The following WDFY3 variants were observed in gnomAD, a reference collection of about 807,000 sequenced individuals.
WDFY3 encodes WD repeat and FYVE domain-containing protein 3.
A neutral mutation model predicts 409.6 loss-of-function variants in WDFY3; 66 were observed. The ratio of observed to expected loss-of-function variants is 0.16; its 90% CI spans 0.13 to 0.20. The LOEUF (loss-of-function observed/expected upper bound fraction) is 0.20, where lower values mean the gene tolerates loss of function less well. Ranked by LOEUF, WDFY3 falls within the 10% of genes least tolerant of loss-of-function variation. The pLI is 1.00. For missense variants in WDFY3, 3,031 were observed against 4,298.1 expected (o/e 0.71, Z 8.24); for synonymous variants, 1,521 against 1,537.1 (o/e 0.99, Z 0.25).
chr4:84,804,546 T>C (rs1326978729), intron 15 of WDFY3, among the ~76,000 whole-genome samples: 1 of 152,236 alleles, frequency 6.6e-6, no homozygotes, highest in Non-Finnish European at 1.5e-5. Flanking sequence ...GCATGTCCTT[T>C]ACCCATTCAT....
Position 84,774,866 on chromosome 4 carries a change from G to C in WDFY3, c.4708C>G (p.Leu1570Val), listed in dbSNP as rs1421907898. 1 of 1,613,900 alleles carries C rather than the reference G, an allele frequency of 6.2e-7. No homozygotes were observed. The highest frequency in any genetic ancestry group is 1.1e-5 in the South Asian group (1 of 91,066). The change falls in exon 29 of 68, where the codon CTG becomes GTG. Residue 1570 changes from leucine (L) to valine (V), a missense_variant. Around this residue, in one of 16 missense-constraint regions of WDFY3, gnomAD observed 342 missense variants for 463.7 expected, o/e 0.74. Coordinates refer to ENST00000295888, the MANE Select transcript of WDFY3 (RefSeq NM_014991.6). The part of the protein sequence containing the change: ...QPTIAAISNV[L>V]SFLLQGFPSS... The stretch of plus-strand genomic sequence containing the variant: ...GGAAAACCTTGCAGTAAGAAGCTCA[G>C]GACATTACTAATAGCAGCAATAGTA...
chr4:84,750,413 A>G (rs1740311973), intron 36 of WDFY3, among the ~76,000 whole-genome samples: 1 of 152,056 alleles, frequency 6.6e-6, no homozygotes, highest in African/African-American at 2.4e-5. Context: ...TAAGATAAAC[A>G]TGTGGTTTTC....
chr4:84,818,904 T>C (rs1317312294), intron 12 of WDFY3, among the ~76,000 whole-genome samples: 1 of 152,140 alleles, frequency 6.6e-6, no homozygotes, highest in African/African-American at 2.4e-5. Context: ...TCTCTTCCTG[T>C]GCAACTTCTA....
rs1320978239 is a variant in WDFY3, at chr4:84,690,752, C to A, written c.9205-88G>T. 1.2e-5 allele frequency: 18 copies of A among 1,440,166 alleles called. No individual in the cohort carries two copies. The Admixed American group carries it at 2.4e-4, about 19-fold the overall frequency. 89.2% of individuals were successfully genotyped at this position (1,440,166 alleles called of 1,614,324 possible). A position where few individuals can be genotyped will look rare whatever the true frequency, so the allele number is the denominator to read the frequency against. Reference sequence around the variant, plus strand: ...CAAGGAGCAGAATTGAGTGAAGGTGCAGGCACCTCACCAGCAAATAGCGGC... The same window carrying A: ...CAAGGAGCAGAATTGAGTGAAGGTGAAGGCACCTCACCAGCAAATAGCGGC... On this transcript the variant is annotated intron_variant, in intron 60 of 67. Transcript: ENST00000295888.
chr4:84,681,033 T>G (rs1003510093), intron 64 of WDFY3, among the ~76,000 whole-genome samples: 2 of 152,200 alleles, frequency 1.3e-5, no homozygotes, highest in Non-Finnish European at 2.9e-5. Flanking sequence ...CCCAACGGCT[T>G]ATGATCGTGA....
At position 84,860,625 on chromosome 4, in the gene WDFY3, G is replaced by A. The variant is rs1290729685; in HGVS notation, c.-31-3C>T. 1.3e-6 allele frequency: 2 copies of A among 1,559,442 alleles called. No individual in the cohort carries two copies. The highest frequency in any genetic ancestry group is 1.7e-6 in the Non-Finnish European group (2 of 1,146,012). ...GTTGGTGAGACGCACTTCTAATTCT[G>A]TAGGAAAATGTCAATACATGAACAG... On this transcript the variant is annotated splice_polypyrimidine_tract_variant and splice_region_variant and intron_variant, in intron 3 of 67. Coordinates refer to ENST00000295888, the MANE Select transcript of WDFY3 (RefSeq NM_014991.6).
chr4:84,792,594 C>G (rs1403352824), intron 21 of WDFY3, among the ~76,000 whole-genome samples: 1 of 152,128 alleles, frequency 6.6e-6, no homozygotes, highest in Non-Finnish European at 1.5e-5. Flanking sequence ...TGGGTTACAG[C>G]TGTTCGGAGA....
intron 5 of WDFY3, among the ~76,000 whole-genome samples, chr4:84,842,834 G>T (rs1757568248): frequency 6.6e-6 from 1 of 152,172 alleles, no homozygotes; most frequent in South Asian, 2.1e-4. Context: ...TCATAAAGAA[G>T]TAGAAAGTAG....
chr4:84,705,472 C>T lies in WDFY3; in HGVS notation c.8257G>A (p.Ala2753Thr). ...LTNPKTFRNL[A>T]KPMGAQTDER... ...TCTGTTTGTGCTCCCATTGGCTTAG[C>T]CAGGTTTCTAAACGTCTTGGGATTA... Residue 2753 changes from alanine to threonine, a missense_variant, in exon 54 of 68, where the codon GCT (alanine) becomes ACT (threonine). Physicochemically the swap from Ala to Thr is moderately conservative, Grantham distance 58. Coordinates refer to ENST00000295888, the MANE Select transcript of WDFY3 (RefSeq NM_014991.6). 6.2e-7 allele frequency: 1 copy of T among 1,614,004 alleles called. No homozygotes were observed. The highest frequency in any genetic ancestry group is 8.5e-7 in the Non-Finnish European group (1 of 1,179,968).
Position 84,671,527 on chromosome 4 carries a change from A to T in WDFY3, c.*1341T>A, listed in dbSNP as rs917627075. On this transcript the variant is annotated 3_prime_UTR_variant, in exon 68 of 68. Coordinates refer to ENST00000295888, the MANE Select transcript of WDFY3 (RefSeq NM_014991.6). ...ATATATATGTACATAACACACATTT[A>T]AAAAAATCCCACCACCAAGCCTTTT... is the stretch of plus-strand genomic sequence containing the variant. 1 of 150,954 alleles carries T rather than the reference A, an allele frequency of 6.6e-6. No individual in the cohort carries two copies. The highest frequency in any genetic ancestry group is 2.4e-5 in the African/African-American group (1 of 41,202). The allele number at this position is 150,954 out of a possible 1,614,324, so 9.4% of individuals were successfully genotyped here. A position where few individuals can be genotyped will look rare whatever the true frequency, so the allele number is the denominator to read the frequency against.
intron 1 of WDFY3, among the ~76,000 whole-genome samples, chr4:84,947,061 C>T (rs961418101): frequency 2.0e-5 from 3 of 151,612 alleles, no homozygotes; most frequent in African/African-American, 7.3e-5. Flanking sequence ...CCCGCCTCGG[C>T]CTCCCAAAGT....
chr4:84,928,657 TG>T (rs771162483), intron 2 of WDFY3, among the ~76,000 whole-genome samples: 2 of 152,156 alleles, frequency 1.3e-5, no homozygotes, highest in African/African-American at 2.4e-5. Context: ...TCCTCACATA[TG>T]GCAGCTAATT....
chr4:84,786,917 G>A (rs566687440), intron 23 of WDFY3, among the ~76,000 whole-genome samples: 1 of 152,276 alleles, frequency 6.6e-6, no homozygotes, highest in South Asian at 2.1e-4. Context: ...ACTCTTCTGA[G>A]ATTCTTGGTG....
At chr4:84,935,678 G>T (rs993190224) in intron 1 of WDFY3, among the ~76,000 whole-genome samples, 2 of 152,024 alleles carry the variant, frequency 1.3e-5, no homozygotes, top group East Asian at 1.9e-4. Context: ...AATAGCAGGC[G>T]GCCAGAAAAC....
intron 13 of WDFY3, among the ~76,000 whole-genome samples, chr4:84,817,083 TG>T (rs1211975755): frequency 6.6e-6 from 1 of 152,140 alleles, no homozygotes; most frequent in Non-Finnish European, 1.5e-5. Context: ...ACACTATGAG[TG>T]AATTTAACTG....
At chr4:84,802,395 G>T (rs1750751294) in intron 16 of WDFY3, among the ~76,000 whole-genome samples, 1 of 151,872 alleles carries the variant, frequency 6.6e-6, no homozygotes, top group African/African-American at 2.4e-5. Flanking sequence ...GAGTAGCTCG[G>T]ACTACAGGTG....
intron 15 of WDFY3, among the ~76,000 whole-genome samples, chr4:84,805,756 C>A (rs548636673): frequency 6.6e-6 from 1 of 152,230 alleles, no homozygotes; most frequent in South Asian, 2.1e-4. Context: ...AGTAATGGAT[C>A]CCATGTTTGA....
intron 15 of WDFY3, among the ~76,000 whole-genome samples, chr4:84,808,087 AAC>A (rs1751824966): frequency 1.3e-5 from 2 of 152,152 alleles, no homozygotes; most frequent in Admixed American, 1.3e-4. Flanking sequence ...TAGTTATGAA[AAC>A]AGTTGGATGA....
rs1462017723 is a variant in WDFY3, at chr4:84,692,917, T to C, written c.9017A>G (p.Asp3006Gly). 3.7e-6 allele frequency: 6 copies of C among 1,613,014 alleles called. No homozygotes were observed. The highest frequency in any genetic ancestry group is 5.1e-6 in the Non-Finnish European group (6 of 1,179,818). Residue 3006 changes from aspartate to glycine, a missense_variant, in exon 59 of 68, where the codon GAC (aspartate) becomes GGC (glycine). Asp to Gly is a moderately conservative substitution (Grantham distance 94). Transcript: ENST00000295888. Reference protein sequence around the residue: ...TSDKIFFHHLDNLRPSLTPVK... With the variant: ...TSDKIFFHHLGNLRPSLTPVK... ...AGGTGTTAGAGAAGGCCTCAAGTTG[T>C]CTAGATGATGAAAAAAGATCTTGTC...
Sources: gnomAD v4.1 joint callset for allele counts (sites outside exome capture counted in the v4.1 genomes callset) on GRCh38, gnomAD v4.1.1 for gene constraint, gnomAD v4.1.1 regional missense constraint, MANE v1.5 for transcripts, NCBI Gene and HGNC (gene_info 2026-07-23, HGNC 2026-07-21) for gene names.